Variants in SPATA16 observed in about 807,000 individuals in gnomAD.
SPATA16 encodes the protein spermatogenesis associated 16.
SPATA16 carries 36 observed loss-of-function variants against 63.3 expected under a neutral mutation model. The ratio of observed to expected loss-of-function variants is 0.57; its 90% CI spans 0.44 to 0.75. The LOEUF (loss-of-function observed/expected upper bound fraction) is 0.75. SPATA16 is among the 30% of genes least tolerant of loss of function. The probability of loss-of-function intolerance (pLI) is 0.00; values close to 1 mark genes in which losing one functional copy is unlikely to be tolerated. For synonymous variants in SPATA16, 203 were observed against 216.7 expected, an observed-to-expected ratio of 0.94 and a Z score of 0.56; for missense variants, 646 against 679.3, an observed-to-expected ratio of 0.95 and a Z score of 0.54.
intron 10 of SPATA16, among the ~76,000 whole-genome samples, chr3:172,905,765 G>GA (rs34003699): frequency 0.097 from 14,830 of 152,168 alleles, 830 homozygotes; most frequent in African/African-American, 0.15. Flanking sequence ...ATGGTTTAAA[G>GA]GATTACCTAT....
At chr3:172,946,992 C>CAG (rs1577100980) in intron 6 of SPATA16, among the ~76,000 whole-genome samples, 1 of 151,344 alleles carries the variant, frequency 6.6e-6, no homozygotes, top group Non-Finnish European at 1.5e-5. Flanking sequence ...CAGCTCAGCG[C>CAG]AGAGAGAGAG....
chr3:172,930,761 C>T (rs973664784), intron 6 of SPATA16, among the ~76,000 whole-genome samples: 1 of 151,770 alleles, frequency 6.6e-6, no homozygotes. Context: ...GTTATGTTAG[C>T]CAGGATGGTC....
chr3:173,009,274 A>G (rs1004084389), intron 4 of SPATA16, among the ~76,000 whole-genome samples: 3 of 152,206 alleles, frequency 2.0e-5, no homozygotes, highest in Non-Finnish European at 4.4e-5. Flanking sequence ...AGCAATACAC[A>G]ACAGGACCCA....
At chr3:172,987,823 GAACT>G (rs1734490127) in intron 4 of SPATA16, among the ~76,000 whole-genome samples, 1 of 152,164 alleles carries the variant, frequency 6.6e-6, no homozygotes, top group South Asian at 2.1e-4. Flanking sequence ...AAAGTAGCCA[GAACT>G]AACTGTCTTG....
intron 2 of SPATA16, among the ~76,000 whole-genome samples, chr3:173,096,726 T>G (rs912736902): frequency 5.3e-5 from 8 of 152,134 alleles, no homozygotes; most frequent in Non-Finnish European, 1.0e-4. Flanking sequence ...TTAGGTAATG[T>G]ATCCAGCAGA....
At chr3:172,911,921 T>A (rs949900502) in intron 10 of SPATA16, among the ~76,000 whole-genome samples, 12 of 152,244 alleles carry the variant, frequency 7.9e-5, no homozygotes, top group African/African-American at 2.9e-4. Flanking sequence ...CCCACATTTC[T>A]GTAGCCCCTC....
chr3:172,949,704 T>A (rs981235551), intron 6 of SPATA16, among the ~76,000 whole-genome samples: 3 of 152,042 alleles, frequency 2.0e-5, no homozygotes, highest in African/African-American at 7.2e-5. Context: ...TGAGTTCTGC[T>A]TGTTTGGAAA....
At chr3:172,922,850 A>G (rs560878955) in intron 8 of SPATA16, among the ~76,000 whole-genome samples, 14 of 152,284 alleles carry the variant, frequency 9.2e-5, no homozygotes, top group Non-Finnish European at 4.4e-5. Flanking sequence ...TGAACCCTGG[A>G]GGTGGAGGTT....
At chr3:172,901,808 C>A (rs2109547714) in intron 10 of SPATA16, among the ~76,000 whole-genome samples, 1 of 152,250 alleles carries the variant, frequency 6.6e-6, no homozygotes, top group South Asian at 2.1e-4. Flanking sequence ...GTAGGAATAT[C>A]TTATCACTGT....
chr3:172,979,295 C>T (rs1402651397), intron 4 of SPATA16, among the ~76,000 whole-genome samples: 12 of 152,046 alleles, frequency 7.9e-5, no homozygotes, highest in Admixed American at 6.6e-4. Flanking sequence ...GCCACAGTGC[C>T]CCTTGGATAT....
intron 4 of SPATA16, among the ~76,000 whole-genome samples, chr3:173,007,446 C>A (rs1464703627): frequency 6.6e-6 from 1 of 152,136 alleles, no homozygotes; most frequent in African/African-American, 2.4e-5. Flanking sequence ...TGAGAATGAG[C>A]TCTGAGGGAG....
chr3:173,033,530 T>C (rs1560102635), intron 3 of SPATA16, among the ~76,000 whole-genome samples: 1 of 152,128 alleles, frequency 6.6e-6, no homozygotes, highest in Non-Finnish European at 1.5e-5. Flanking sequence ...ACCTCTCTTG[T>C]AGAAAAGCTC....
At chr3:172,912,884 T>A (rs1198365991) in intron 10 of SPATA16, among the ~76,000 whole-genome samples, 1 of 152,192 alleles carries the variant, frequency 6.6e-6, no homozygotes, top group African/African-American at 2.4e-5. Context: ...ACAGGGCCTC[T>A]GAGTTCATTA....
intron 4 of SPATA16, among the ~76,000 whole-genome samples, chr3:172,989,429 T>C (rs1734527745): frequency 6.6e-6 from 1 of 152,208 alleles, no homozygotes; most frequent in Non-Finnish European, 1.5e-5. Flanking sequence ...ATTAATAATT[T>C]TGAATAAATT....
intron 5 of SPATA16, among the ~76,000 whole-genome samples, chr3:172,962,114 A>G (rs1331427477): frequency 6.6e-6 from 1 of 151,914 alleles, no homozygotes; most frequent in Non-Finnish European, 1.5e-5. Context: ...TTAGCCAGAC[A>G]TGGTGGTGAG....
In SPATA16 at chr3:173,041,359, A is replaced by C. The variant is rs138919853; in HGVS notation, c.758+7590T>G. Among the ~76,000 whole-genome samples, 7 of 152,306 alleles carry C rather than the reference A, an allele frequency of 4.6e-5. No individual in the cohort carries two copies. The East Asian group carries it at 9.6e-4, about 21-fold the overall frequency. ...CAGTAATCTATGAATCACAGAAGGA[A>C]GTAAGTAGGAAGAAACATTCTCTTC... On this transcript the variant is annotated intron_variant, in intron 3 of 10. Transcript: ENST00000351008.
At chr3:172,967,186 C>T (rs777460309) in intron 5 of SPATA16, among the ~76,000 whole-genome samples, 4 of 152,108 alleles carry the variant, frequency 2.6e-5, no homozygotes, top group African/African-American at 4.8e-5. Context: ...CATCTCTAAG[C>T]GCATATCTTT....
chr3:172,950,364 C>A (rs1733401277), intron 6 of SPATA16, among the ~76,000 whole-genome samples: 1 of 152,122 alleles, frequency 6.6e-6, no homozygotes, highest in African/African-American at 2.4e-5. Context: ...AATTTAGCCC[C>A]ATAGATGAGG....
chr3:173,088,033 TC>T (rs1737112597), intron 2 of SPATA16, among the ~76,000 whole-genome samples: 2 of 136,560 alleles, frequency 1.5e-5, no homozygotes, highest in Non-Finnish European at 3.1e-5. Context: ...TTTCTTTCTT[TC>T]TTTCTTTCTT....
Sources: allele counts gnomAD v4.1 joint callset (sites outside exome capture counted in the v4.1 genomes callset), GRCh38; gene constraint gnomAD v4.1.1; transcripts MANE v1.5; gene names NCBI Gene and HGNC (gene_info 2026-07-23, HGNC 2026-07-21).